Variants in PCDH15 observed in about 807,000 individuals in gnomAD.
PCDH15 encodes protocadherin related 15.
A neutral mutation model predicts 178.5 loss-of-function variants in PCDH15; 129 were observed. The ratio of observed to expected loss-of-function variants is 0.72; its 90% confidence interval spans 0.63 to 0.84. PCDH15 has a LOEUF of 0.84. Ranked by LOEUF, PCDH15 falls within the 40% of genes least tolerant of loss-of-function variation. PCDH15 has a pLI of 0.00. For missense variants in PCDH15, 2,230 were observed against 2,099.9 expected (o/e 1.06, Z -1.21); for synonymous variants, 800 against 732.0 (o/e 1.09, Z -1.50).
At chr10:54,256,698 GTTTA>G (rs1204790530) in intron 8 of PCDH15, among the ~76,000 whole-genome samples, 1 of 151,918 alleles carries the variant, frequency 6.6e-6, no homozygotes, top group African/African-American at 2.4e-5. Context: ...AGTATCTCTG[GTTTA>G]TTTTTCTTAT....
chr10:54,547,698 C>A (rs1183429965), intron 2 of PCDH15, among the ~76,000 whole-genome samples: 1 of 151,912 alleles, frequency 6.6e-6, no homozygotes, highest in Non-Finnish European at 1.5e-5. Context: ...ATTACTGTTG[C>A]AATAATTTTT....
chr10:54,555,722 G>A (rs2384472), intron 2 of PCDH15, among the ~76,000 whole-genome samples: 34,502 of 134,578 alleles, frequency 0.26, 4,651 homozygotes, highest in Middle Eastern at 0.43. Context: ...GGGTGACAGA[G>A]CGAGACTCTG....
At chr10:55,242,288 T>C (rs966203038) in intron 1 of PCDH15, among the ~76,000 whole-genome samples, 1 of 152,130 alleles carries the variant, frequency 6.6e-6, no homozygotes, top group African/African-American at 2.4e-5. Flanking sequence ...TTCCTGCTTG[T>C]ATGTGCAAAG....
rs2092875425 is a variant in PCDH15, at chr10:54,020,291, T to C, written c.2652A>G (p.Ala884=). 1.9e-6 allele frequency: 3 copies of C among 1,613,666 alleles called. No homozygotes were observed. Among genetic ancestry groups the C allele is most frequent in the Non-Finnish European group, 2.5e-6 (3 of 1,179,808 alleles). ...LSLLRSLDYE[A]FPDQEASITF... is the part of the protein sequence containing the mutation. ...TGATACTTGCTTCTTGGTCTGGAAA[T>C]GCCTCATAATCTAAACTCCTTAAAA... Residue 884 remains alanine, a synonymous_variant, in exon 20 of 38, where the codon GCA becomes GCG. Coordinates refer to ENST00000644397, the MANE Select transcript of PCDH15 (RefSeq NM_001384140.1).
rs186244079 is a variant in PCDH15, at chr10:54,512,249, G to A, written c.157+15563C>T. Among the ~76,000 whole-genome samples, 36 of 152,134 alleles carry A rather than the reference G, an allele frequency of 2.4e-4. No individual in the cohort carries two copies. The South Asian group carries it at 3.1e-3, about 13-fold the overall frequency. ...TTCTTATTAAATTTAAAAGTACAGA[G>A]TATTCTTTCTTCACTAGTGTAGATG... On this transcript the variant is annotated intron_variant, in intron 3 of 37. Coordinates refer to ENST00000644397, the MANE Select transcript of PCDH15 (RefSeq NM_001384140.1).
At chr10:55,018,284 A>T (rs1162807378) in intron 2 of PCDH15, among the ~76,000 whole-genome samples, 1 of 152,032 alleles carries the variant, frequency 6.6e-6, no homozygotes, top group Non-Finnish European at 1.5e-5. Context: ...GCGGGGATTG[A>T]TTCTAGGACC....
chr10:54,015,192 A>G (rs1420442964), intron 20 of PCDH15, among the ~76,000 whole-genome samples: 2 of 63,694 alleles, frequency 3.1e-5, no homozygotes, highest in African/African-American at 1.3e-4. Context: ...TAGGAATACA[A>G]CTAACCAGGT....
chr10:54,735,821 T>A (rs1446004829), intron 1 of PCDH15, among the ~76,000 whole-genome samples: 2 of 114,878 alleles, frequency 1.7e-5, no homozygotes, highest in Admixed American at 1.0e-4. Flanking sequence ...AACAATGAGA[T>A]CACATGGACA....
chr10:55,477,945 C>A (rs535361196), intron 2 of PCDH15, among the ~76,000 whole-genome samples: 2 of 151,758 alleles, frequency 1.3e-5, no homozygotes, highest in African/African-American at 4.8e-5. Flanking sequence ...AAGAAATTTA[C>A]TTCACCTGTA....
At chr10:55,443,587 C>T (rs1014691504) in intron 2 of PCDH15, among the ~76,000 whole-genome samples, 2 of 152,060 alleles carry the variant, frequency 1.3e-5, no homozygotes, top group African/African-American at 4.8e-5. Flanking sequence ...CAGCAAGATA[C>T]CATCTTGCTC....
intron 26 of PCDH15, among the ~76,000 whole-genome samples, chr10:53,874,342 G>A (rs1222567450): frequency 2.0e-5 from 3 of 152,082 alleles, no homozygotes; most frequent in East Asian, 1.9e-4. Context: ...AAACTGCAAC[G>A]AAAACTGTAA....
At chr10:54,294,269 A>T (rs1265243076) in intron 8 of PCDH15, among the ~76,000 whole-genome samples, 2 of 151,052 alleles carry the variant, frequency 1.3e-5, no homozygotes, top group African/African-American at 4.9e-5. Flanking sequence ...AACAATGAGA[A>T]CACTTGGACA....
At chr10:53,813,834 A>C (rs2075965545) in intron 35 of PCDH15, among the ~76,000 whole-genome samples, 1 of 152,210 alleles carries the variant, frequency 6.6e-6, no homozygotes, top group African/African-American at 2.4e-5. Flanking sequence ...AGAATATGTT[A>C]CAGGCCAGAA....
At chr10:55,315,852 CT>C (rs1359797516) in intron 1 of PCDH15, among the ~76,000 whole-genome samples, 5 of 151,970 alleles carry the variant, frequency 3.3e-5, no homozygotes, top group Admixed American at 6.6e-5. Flanking sequence ...TCCGTCTCTA[CT>C]AAAAATACAA....
intron 2 of PCDH15, among the ~76,000 whole-genome samples, chr10:55,106,942 T>G (rs1034217647): frequency 7.2e-5 from 11 of 152,286 alleles, no homozygotes; most frequent in African/African-American, 2.2e-4. Context: ...CTAGTACCTT[T>G]GGTGAAGGGC....
intron 3 of PCDH15, among the ~76,000 whole-genome samples, chr10:54,841,359 T>A (rs1008644811): frequency 6.6e-6 from 1 of 151,750 alleles, no homozygotes; most frequent in African/African-American, 2.4e-5. Flanking sequence ...AAAAGCATCT[T>A]AAAATTTTAA....
chr10:55,334,254 G>A lies in PCDH15; in HGVS notation c.-155-167603C>T, dbSNP rs1431966426. ...TATATATATATATATGTGTGTGTGT[G>A]TGTGTGTGTGTGTGTGTGTGTGTGT... On this transcript the variant is annotated intron_variant, in intron 2 of 5. Coordinates refer to the PCDH15 transcript ENST00000613346. Among the ~76,000 whole-genome samples, 291 of 110,892 alleles carry A rather than the reference G, an allele frequency of 2.6e-3. 4 individuals carry two copies. The highest frequency in any genetic ancestry group is 0.012 in the Admixed American group (145 of 11,602). 72.7% of individuals were successfully genotyped at this position (110,892 alleles called of 152,430 possible).
At chr10:55,236,556 C>G (rs1841390992) in intron 1 of PCDH15, among the ~76,000 whole-genome samples, 1 of 151,714 alleles carries the variant, frequency 6.6e-6, no homozygotes, top group Admixed American at 6.6e-5. Context: ...ATAGAAATGC[C>G]CATATTGCTA....
chr10:54,692,972 G>T (rs2095154042), intron 1 of PCDH15, among the ~76,000 whole-genome samples: 1 of 151,746 alleles, frequency 6.6e-6, no homozygotes. Context: ...CGTTACATAG[G>T]TATACGTGTG....
Sources: gnomAD v4.1 joint callset for allele counts (sites outside exome capture counted in the v4.1 genomes callset) on GRCh38, gnomAD v4.1.1 for gene constraint, MANE v1.5 for transcripts, NCBI Gene and HGNC (gene_info 2026-07-23, HGNC 2026-07-21) for gene names.